The following PTPRD variants were observed in gnomAD, a reference collection of about 807,000 sequenced individuals.
PTPRD encodes receptor-type tyrosine-protein phosphatase delta.
Under a neutral mutation model 214.5 loss-of-function variants are expected in PTPRD, and 34 were observed. The observed-to-expected ratio is 0.16, with a 90% CI of 0.12 to 0.21. The LOEUF is 0.21. Among genes scored for constraint, PTPRD ranks in the 10% least tolerant of loss-of-function variants. PTPRD has a pLI of 1.00. For synonymous variants in PTPRD, 1,128 were observed against 845.7 expected (o/e 1.33, Z -5.79); for missense variants, 2,545 against 2,398.7 (o/e 1.06, Z -1.27).
rs115117879 is a variant in PTPRD, at chr9:10,212,184, A to G, written c.-545+128779T>C. On this transcript the variant is annotated intron_variant, in intron 3 of 45. Coordinates refer to ENST00000381196, the MANE Select transcript of PTPRD (RefSeq NM_002839.4). ...CCTGACACTCACTTAATATGACCAT[A>G]AGCCGTAAATCAAGTAGCCTTCTTA... Among the ~76,000 whole-genome samples, 781 of 152,204 alleles carry G rather than the reference A, an allele frequency of 5.1e-3. 3 individuals carry two copies. Among genetic ancestry groups the G allele is most frequent in the African/African-American group, 0.016 (678 of 41,540 alleles).
chr9:10,253,097 A>AT (rs2092934371), intron 3 of PTPRD, among the ~76,000 whole-genome samples: 1 of 151,926 alleles, frequency 6.6e-6, no homozygotes, highest in African/African-American at 2.4e-5. Flanking sequence ...ATTTTATTTT[A>AT]TTTTTTCTAA....
intron 7 of PTPRD, among the ~76,000 whole-genome samples, chr9:9,618,992 G>C (rs2095069819): frequency 6.6e-6 from 1 of 152,118 alleles, no homozygotes; most frequent in Non-Finnish European, 1.5e-5. Context: ...AGCAAAGCAA[G>C]AAGAATGTTT....
intron 31 of PTPRD, among the ~76,000 whole-genome samples, chr9:8,466,984 T>C (rs2096557102): frequency 6.6e-6 from 1 of 152,002 alleles, no homozygotes; most frequent in South Asian, 2.1e-4. Flanking sequence ...AGGAATTTGA[T>C]CGTACGTTAC....
At chr9:9,176,875 G>A (rs1250898624) in intron 10 of PTPRD, among the ~76,000 whole-genome samples, 1 of 152,126 alleles carries the variant, frequency 6.6e-6, no homozygotes, top group Non-Finnish European at 1.5e-5. Context: ...CGGGGGTATT[G>A]TGTTATAGCA....
intron 3 of PTPRD, among the ~76,000 whole-genome samples, chr9:10,233,574 A>C (rs998194369): frequency 9.9e-5 from 15 of 152,062 alleles, no homozygotes; most frequent in Admixed American, 5.9e-4. Context: ...AGTTATGAGC[A>C]ATACCAAGAA....
chr9:9,046,477 A>G (rs2099672438), intron 10 of PTPRD, among the ~76,000 whole-genome samples: 1 of 151,936 alleles, frequency 6.6e-6, no homozygotes, highest in South Asian at 2.1e-4. Context: ...TATATCTGGA[A>G]AGACAAAGCA....
intron 12 of PTPRD, among the ~76,000 whole-genome samples, chr9:8,714,343 C>T (rs556815191): frequency 1.3e-5 from 2 of 152,056 alleles, no homozygotes; most frequent in African/African-American, 4.8e-5. Context: ...TTTTATATCA[C>T]GGCCTCCTTT....
chr9:10,420,216 A>G (rs962097930), intron 2 of PTPRD, among the ~76,000 whole-genome samples: 3 of 151,862 alleles, frequency 2.0e-5, no homozygotes, highest in Non-Finnish European at 2.9e-5. Flanking sequence ...TGCATGTATA[A>G]TAATAATAAT....
intron 3 of PTPRD, among the ~76,000 whole-genome samples, chr9:10,166,474 G>C (rs576557848): frequency 3.7e-4 from 56 of 151,774 alleles, no homozygotes; most frequent in Non-Finnish European, 6.6e-4. Context: ...AATTCAGCTA[G>C]TCATCAGGTG....
intron 8 of PTPRD, among the ~76,000 whole-genome samples, chr9:9,426,509 A>G (rs112484778): frequency 0.062 from 9,435 of 152,256 alleles, 327 homozygotes; most frequent in Middle Eastern, 0.17. Flanking sequence ...AAAGGAGCAG[A>G]AACTTCTGCA....
chr9:9,887,534 A>AGGG (rs567064910), intron 5 of PTPRD, among the ~76,000 whole-genome samples: 75 of 152,292 alleles, frequency 4.9e-4, no homozygotes, highest in Admixed American at 4.3e-3. Context: ...CCCATCATCA[A>AGGG]GGGGCAGAAC....
intron 14 of PTPRD, among the ~76,000 whole-genome samples, chr9:8,632,121 TTGTGTGTG>T (rs146691738): frequency 6.9e-6 from 1 of 144,608 alleles, no homozygotes; most frequent in Non-Finnish European, 1.5e-5. Flanking sequence ...AATTGCTTCT[TTGTGTGTG>T]TGTGTGTGTG....
intron 7 of PTPRD, among the ~76,000 whole-genome samples, chr9:9,613,811 A>G (rs1463604556): frequency 6.6e-6 from 1 of 152,132 alleles, no homozygotes; most frequent in Non-Finnish European, 1.5e-5. Flanking sequence ...GGCACGTGAA[A>G]ATTTGAGAAG....
chr9:8,874,360 T>A (rs2098355213), intron 11 of PTPRD, among the ~76,000 whole-genome samples: 1 of 151,850 alleles, frequency 6.6e-6, no homozygotes, highest in Non-Finnish European at 1.5e-5. Context: ...TTGAACGGAC[T>A]GTTTTTTTTG....
At chr9:9,718,080 T>C (rs2097864158) in intron 7 of PTPRD, among the ~76,000 whole-genome samples, 2 of 152,200 alleles carry the variant, frequency 1.3e-5, no homozygotes, top group Admixed American at 1.3e-4. Context: ...TTCTGCTCTT[T>C]TCAGAAAATA....
At chr9:8,341,494 A>G (rs1475717051) in intron 40 of PTPRD, among the ~76,000 whole-genome samples, 199 bp downstream of exon 40, 2 of 152,138 alleles carry the variant, frequency 1.3e-5, no homozygotes, top group Admixed American at 6.6e-5. Context: ...GTTAGGAGAC[A>G]TAAGGGCTCA....
At chr9:9,932,007 G>A (rs1270718868) in intron 5 of PTPRD, among the ~76,000 whole-genome samples, 2 of 152,010 alleles carry the variant, frequency 1.3e-5, no homozygotes, top group Non-Finnish European at 2.9e-5. Context: ...CAGACCTGCA[G>A]CTGAGGGTCC....
intron 2 of PTPRD, among the ~76,000 whole-genome samples, chr9:10,493,280 T>C (rs548742615): frequency 7.6e-4 from 116 of 152,116 alleles, no homozygotes; most frequent in African/African-American, 2.7e-3. Flanking sequence ...AAAAAGAACC[T>C]GTATAGCCAT....
At chr9:9,718,189 A>G (rs771469974) in intron 7 of PTPRD, among the ~76,000 whole-genome samples, 1 of 152,236 alleles carries the variant, frequency 6.6e-6, no homozygotes, top group Non-Finnish European at 1.5e-5. Context: ...AAGAAAGTAC[A>G]TGAAAATATT....
Sources: gnomAD v4.1 joint callset for allele counts (sites outside exome capture counted in the v4.1 genomes callset) on GRCh38, gnomAD v4.1.1 for gene constraint, MANE v1.5 for transcripts, NCBI Gene and HGNC (gene_info 2026-07-23, HGNC 2026-07-21) for gene names.